The following WDR4 variants were observed in gnomAD, a reference collection of about 807,000 sequenced individuals.
WDR4 encodes tRNA (guanine-N(7)-)-methyltransferase non-catalytic subunit WDR4.
Under a neutral mutation model 48.6 loss-of-function variants are expected in WDR4, and 47 were observed. The ratio of observed to expected loss-of-function variants is 0.97; its 90% CI spans 0.77 to 1.23. The LOEUF is 1.23. Ranked by LOEUF, WDR4 falls within the 50% of genes most tolerant of loss-of-function variation. The pLI is 0.00. For synonymous variants in WDR4, 268 were observed against 230.0 expected (o/e 1.17, Z -1.49); for missense variants, 606 against 551.6 (o/e 1.10, Z -0.99).
chr21:42,859,552 A>T, intron 6 of WDR4, 110 bp downstream of exon 6: 1 of 625,488 alleles, frequency 1.6e-6, no homozygotes, highest in Non-Finnish European at 2.5e-6. Context: ...GGACAGCCAC[A>T]GCCAGCCAGG....
rs747772807 is a variant in WDR4 at position 42,854,609 on chromosome 21, C to A, written c.744G>T (p.Arg248Ser). 6.2e-7 allele frequency: 1 copy of A among 1,613,834 alleles called. No individual in the cohort carries two copies. The highest frequency in any genetic ancestry group is 8.5e-7 in the Non-Finnish European group (1 of 1,179,930). ...PQAPQKFAASRIAFWCQENCV... is the reference protein window; with the variant it reads ...PQAPQKFAASSIAFWCQENCV... ...AGTTCTCCTGGCACCAGAATGCAAT[C>A]CTGGACGCGGCAAACTTCTAAAAGG... is the stretch of plus-strand genomic sequence containing the variant. Residue 248 changes from arginine to serine, a missense_variant, in exon 8 of 11, where the codon AGG (arginine) becomes AGT (serine). Physicochemically the swap from Arg to Ser is moderately radical, Grantham distance 110. Coordinates refer to ENST00000398208, the MANE Select transcript of WDR4 (RefSeq NM_018669.6).
At chr21:42,868,832 G>T (rs1360335046) in intron 3 of WDR4, among the ~76,000 whole-genome samples, 1 of 152,232 alleles carries the variant, frequency 6.6e-6, no homozygotes, top group Admixed American at 6.5e-5. Context: ...ACACATTGGT[G>T]CCAGTAAACC....
At chr21:42,875,188 A>G (rs920655253) in intron 2 of WDR4, among the ~76,000 whole-genome samples, 18 of 152,122 alleles carry the variant, frequency 1.2e-4, no homozygotes, top group African/African-American at 3.9e-4. Context: ...AGGCGAGAGG[A>G]TCGCTTGAGC....
chr21:42,850,225 C>A lies in WDR4; in HGVS notation c.1063G>T (p.Ala355Ser). 3 of 1,597,400 alleles carry A rather than the reference C, an allele frequency of 1.9e-6. No homozygotes were observed. Among genetic ancestry groups the A allele is most frequent in the Non-Finnish European group, 2.6e-6 (3 of 1,170,882 alleles). The change falls in exon 11 of 11, where the codon GCC becomes TCC. Residue 355 changes from alanine (A) to serine (S), a missense_variant. Physicochemically the swap from Ala to Ser is moderately conservative, Grantham distance 99 (BLOSUM62 1). Transcript: ENST00000398208. ...AMLEGSAGAD[A>S]SFSSLYKATF... The stretch of plus-strand genomic sequence containing the variant: ...GCCTTGTAGAGACTGCTGAAGCTGG[C>A]GTCTGCGCCGGCAGAGCCTGTGATG...
At chr21:42,879,333 G>A (rs567550411) in intron 1 of WDR4, 74 bp downstream of exon 1, 6 of 1,573,600 alleles carry the variant, frequency 3.8e-6, no homozygotes, top group Middle Eastern at 1.9e-4. Flanking sequence ...GGCGGTGCGG[G>A]AGAAGCGGGG....
chr21:42,854,481 G>A (rs1311694231), intron 8 of WDR4, 81 bp downstream of exon 8: 14 of 1,423,496 alleles, frequency 9.8e-6, no homozygotes, highest in African/African-American at 7.1e-5. Flanking sequence ...CATTGAGGAC[G>A]TGGGCCAGTG....
chr21:42,879,477 G>T lies in WDR4; in HGVS notation c.19C>A (p.Leu7Met), dbSNP rs749988794. 1.2e-6 allele frequency: 2 copies of T among 1,613,602 alleles called. No individual in the cohort carries two copies. The highest frequency in any genetic ancestry group is 2.2e-5 in the South Asian group (2 of 91,056). ...ACCAACGTCTGCCCGCACAACGCCA[G>T]TCCCACAGAGCCCGCCATGTACCCG... The part of the protein sequence containing the change: MAGSVG[L>M]ALCGQTLVVR... The change falls in exon 1 of 11, where the codon CTG (leucine) becomes ATG (methionine). Residue 7 changes from leucine to methionine, a missense_variant. Leu to Met is a conservative substitution (Grantham distance 15). Coordinates refer to ENST00000398208, the MANE Select transcript of WDR4 (RefSeq NM_018669.6).
intron 5 of WDR4, among the ~76,000 whole-genome samples, chr21:42,861,468 C>G (rs1463067779): frequency 6.6e-6 from 1 of 152,014 alleles, no homozygotes; most frequent in Non-Finnish European, 1.5e-5. Flanking sequence ...TTCCCGTCAG[C>G]AGAAACCTCC....
At chr21:42,877,126 C>A (rs369475950) in intron 1 of WDR4, among the ~76,000 whole-genome samples, 2 of 131,998 alleles carry the variant, frequency 1.5e-5, no homozygotes, top group African/African-American at 5.2e-5. Flanking sequence ...TGAGCCACTG[C>A]GCCTGGCCCT....
At chr21:42,854,012 A>G (rs2057915471) in intron 8 of WDR4, among the ~76,000 whole-genome samples, 1 of 152,148 alleles carries the variant, frequency 6.6e-6, no homozygotes, top group South Asian at 2.1e-4. Context: ...GGGCAGGAGG[A>G]CGCAGGCCCT....
At chr21:42,876,195 G>A (rs1281279703) in intron 2 of WDR4, among the ~76,000 whole-genome samples, 2 of 137,200 alleles carry the variant, frequency 1.5e-5, no homozygotes, top group East Asian at 2.0e-4. Flanking sequence ...ATGAGCCACC[G>A]CACCCGGCAC....
At chr21:42,872,157 T>TG (rs1250039797) in intron 3 of WDR4, among the ~76,000 whole-genome samples, 1 of 152,080 alleles carries the variant, frequency 6.6e-6, no homozygotes, top group Non-Finnish European at 1.5e-5. Flanking sequence ...GCTAATTTTG[T>TG]ATTTTTAGTA....
chr21:42,849,072 G>A (rs2057749336), downstream of WDR4, among the ~76,000 whole-genome samples: 1 of 100,674 alleles, frequency 9.9e-6, no homozygotes, highest in Admixed American at 1.3e-4. Flanking sequence ...CACACACACA[G>A]CGCACGATCA....
chr21:42,876,564 C>T (rs1330130418), intron 2 of WDR4, 138 bp downstream of exon 2: 11 of 754,638 alleles, frequency 1.5e-5, no homozygotes, highest in African/African-American at 7.2e-5. Context: ...CATGTCTCTC[C>T]TGAGGTGCTA....
rs1409606504 is a variant in WDR4 at position 42,879,483 on chromosome 21, C to G, written c.13G>C (p.Val5Leu). The change falls in exon 1 of 11, where the codon GTG becomes CTG. Residue 5 changes from valine to leucine, a missense_variant. By Grantham distance (32) the Val-to-Leu change is conservative (BLOSUM62 1). Transcript: ENST00000398208. The stretch of plus-strand genomic sequence containing the variant: ...GTCTGCCCGCACAACGCCAGTCCCA[C>G]AGAGCCCGCCATGTACCCGCCCGCC... MAGS[V>L]GLALCGQTLV... 6.2e-7 allele frequency: 1 copy of G among 1,613,442 alleles called. No individual in the cohort carries two copies.
exon 12 of WDR4, chr21:42,843,137 C>T (rs2057680813): frequency 6.6e-6 from 1 of 152,174 alleles, no homozygotes; most frequent in South Asian, 2.1e-4. Flanking sequence ...AGCGGAAAAA[C>T]ATATCCCATA....
chr21:42,847,969 C>A (rs1428446633), downstream of WDR4, among the ~76,000 whole-genome samples: 3 of 152,226 alleles, frequency 2.0e-5, no homozygotes, highest in African/African-American at 7.2e-5. Flanking sequence ...GCTGCTTGTA[C>A]AGGACAGTGG....
At chr21:42,861,550 G>C (rs557231813) in intron 5 of WDR4, among the ~76,000 whole-genome samples, 1 of 152,100 alleles carries the variant, frequency 6.6e-6, no homozygotes, top group African/African-American at 2.4e-5. Context: ...GGGCCGGGGG[G>C]CTGCAGGCCA....
chr21:42,879,591 A>G (rs916100366), upstream of WDR4: 17 of 1,469,248 alleles, frequency 1.2e-5, no homozygotes, highest in Admixed American at 1.6e-4. Flanking sequence ...CCGAGAGATG[A>G]CGTATACCCC....
Sources: gnomAD v4.1 joint callset for allele counts (sites outside exome capture counted in the v4.1 genomes callset) on GRCh38, gnomAD v4.1.1 for gene constraint, MANE v1.5 for transcripts, NCBI Gene and HGNC (gene_info 2026-07-23, HGNC 2026-07-21) for gene names.